CDC42BPB: variants seen among roughly 807,000 people sequenced by gnomAD.
The protein encoded by CDC42BPB is serine/threonine-protein kinase MRCK beta.
In CDC42BPB, 37 loss-of-function variants were observed where a neutral mutation model predicts 214.9. The observed-to-expected ratio is 0.17, with a 90% CI of 0.13 to 0.23. The LOEUF is 0.23. Ranked by LOEUF, CDC42BPB falls within the 10% of genes least tolerant of loss-of-function variation. The probability of loss-of-function intolerance (pLI) is 1.00; values close to 1 mark genes in which losing one functional copy is unlikely to be tolerated. For synonymous variants in CDC42BPB, 931 were observed against 884.0 expected, an observed-to-expected ratio of 1.05 and a Z score of -0.94; for missense variants, 1,694 against 2,227.0, an observed-to-expected ratio of 0.76 and a Z score of 4.82.
chr14:103,036,331 A>G (rs569349075), intron 1 of CDC42BPB, among the ~76,000 whole-genome samples: 15 of 151,272 alleles, frequency 9.9e-5, no homozygotes, highest in African/African-American at 3.4e-4. Flanking sequence ...TTTTTTTTGT[A>G]TTTTTAGTAG....
At chr14:103,027,754 G>A (rs1056036569) in intron 1 of CDC42BPB, among the ~76,000 whole-genome samples, 4 of 152,208 alleles carry the variant, frequency 2.6e-5, no homozygotes, top group Non-Finnish European at 5.9e-5. Context: ...CAAGGCTCAG[G>A]GGCAATGAAA....
chr14:103,009,760 C>T (rs1273127333), intron 2 of CDC42BPB, among the ~76,000 whole-genome samples: 2 of 152,246 alleles, frequency 1.3e-5, no homozygotes, highest in African/African-American at 4.8e-5. Context: ...GGGCCCTGCT[C>T]ACCTCCAAAG....
In CDC42BPB at chr14:102,988,239, A is replaced by ACT. The variant is rs1894337083; in HGVS notation, c.597-1660_597-1659insAG. Among the ~76,000 whole-genome samples the ACT allele has an allele frequency of 1.3e-5, 2 of 152,284 alleles. 1 individual carries two copies. The highest frequency in any genetic ancestry group is 3.9e-4 in the East Asian group (2 of 5,194). On this transcript the variant is annotated intron_variant, in intron 5 of 36. Transcript: ENST00000361246. The stretch of plus-strand genomic sequence containing the variant: ...GTCAGATAGGAAGCAGCCAGAGGCT[A>ACT]AAGTGGGAGACAGGCAAAGAAGGCC...
intron 34 of CDC42BPB, 34 bp from the exon 35 acceptor site, chr14:102,938,445 G>A: frequency 1.3e-6 from 2 of 1,510,242 alleles, no homozygotes; most frequent in Non-Finnish European, 1.8e-6. Context: ...AGCATGCTTG[G>A]TTGACACCCG....
At position 102,954,546 on chromosome 14, in the gene CDC42BPB, C is replaced by A; in HGVS notation, c.2988+56G>T. Reference sequence around the variant, plus strand: ...GGGCCAGGTGAGCAGCATCTGGTCACCTGGACACGAGGGCAGACCCCAGGT... The same window carrying A: ...GGGCCAGGTGAGCAGCATCTGGTCAACTGGACACGAGGGCAGACCCCAGGT... On this transcript the variant is annotated intron_variant, in intron 22 of 36. Transcript: ENST00000361246. The A allele has an allele frequency of 3.3e-6, 5 of 1,522,938 alleles. No homozygotes were observed. In the South Asian group the frequency reaches 4.6e-5, roughly 14 times the overall value. 94.3% of individuals were successfully genotyped at this position (1,522,938 alleles called of 1,614,324 possible).
intron 18 of CDC42BPB, among the ~76,000 whole-genome samples, chr14:102,965,478 A>T (rs2139447781): frequency 6.6e-6 from 1 of 152,124 alleles, no homozygotes; most frequent in African/African-American, 2.4e-5. Context: ...AAGCCAGTTC[A>T]CTAACATCAT....
intron 4 of CDC42BPB, 60 bp downstream of exon 4, chr14:103,003,868 A>G: frequency 4.5e-6 from 6 of 1,346,086 alleles, no homozygotes; most frequent in Non-Finnish European, 6.3e-6. Flanking sequence ...TTTTAGTGAC[A>G]GCATAAAGGA....
chr14:102,941,019 G>A (rs1891867011), intron 30 of CDC42BPB: 1 of 736,770 alleles, frequency 1.4e-6, no homozygotes, highest in Non-Finnish European at 1.7e-6. Flanking sequence ...ACCAAGGACT[G>A]CAAAGCCTTT....
intron 1 of CDC42BPB, among the ~76,000 whole-genome samples, chr14:103,036,309 C>T (rs1037563768): frequency 1.9e-4 from 29 of 151,978 alleles, no homozygotes; most frequent in South Asian, 4.2e-4. Context: ...CCCGCCACCA[C>T]GCCCGGCTAA....
Position 103,037,001 on chromosome 14 carries a change from T to A in CDC42BPB, c.175+19998A>T, listed in dbSNP as rs34067972. Among the ~76,000 whole-genome samples the A allele has an allele frequency of 7.6e-3, 1,156 of 152,060 alleles. 18 individuals carry two copies. Among genetic ancestry groups the A allele is most frequent in the African/African-American group, 0.027 (1,101 of 41,468 alleles). ...CAGCTAATTTTTGTGTTTTTTTTTG[T>A]AGAGACAGGGTTTCGCTATGCTGCC... On this transcript the variant is annotated intron_variant, in intron 1 of 36. Transcript: ENST00000361246.
intron 18 of CDC42BPB, among the ~76,000 whole-genome samples, chr14:102,965,932 G>A (rs34096162): frequency 0.024 from 3,656 of 152,250 alleles, 153 homozygotes; most frequent in African/African-American, 0.084. Context: ...ACTCTAGCCT[G>A]GGCAACAGAG....
At position 102,977,208 on chromosome 14, in the gene CDC42BPB, G is replaced by A. The variant is rs915448116; in HGVS notation, c.1220+918C>T. 9.2e-5 allele frequency among the ~76,000 whole-genome samples: 14 copies of A among 151,926 alleles called. 1 individual carries two copies. Among genetic ancestry groups the A allele is most frequent in the Admixed American group, 8.5e-4 (13 of 15,246 alleles). ...AAAAAAATTAGTCGGGCGTGGTGGC[G>A]GGCGCCTGTAGTCCCAGCTACTCAG... On this transcript the variant is annotated intron_variant, in intron 9 of 36. Transcript: ENST00000361246.
At chr14:102,940,535 C>T (rs1891845006) in intron 30 of CDC42BPB, 3 of 1,317,294 alleles carry the variant, frequency 2.3e-6, no homozygotes, top group East Asian at 5.1e-5. Context: ...TTAAATGCTC[C>T]ACAATCACTT....
chr14:103,053,628 G>T (rs1194444300), intron 1 of CDC42BPB, among the ~76,000 whole-genome samples: 1 of 151,250 alleles, frequency 6.6e-6, no homozygotes, highest in Admixed American at 6.6e-5. Context: ...CAGGCGTGAT[G>T]GCGGGCGCCT....
At chr14:103,011,626 C>T (rs1191216987) in intron 2 of CDC42BPB, among the ~76,000 whole-genome samples, 1 of 152,068 alleles carries the variant, frequency 6.6e-6, no homozygotes, top group Non-Finnish European at 1.5e-5. Context: ...CACCTGTAGT[C>T]CCAGCTACTC....
At chr14:102,986,684 C>A in intron 5 of CDC42BPB, 104 bp from the exon 6 acceptor site, 8 of 1,475,194 alleles carry the variant, frequency 5.4e-6, no homozygotes, top group Non-Finnish European at 6.3e-6. Flanking sequence ...CTAATATCCT[C>A]TTGTGAACAG....
chr14:102,986,497 T>C lies in CDC42BPB; in HGVS notation c.680A>G (p.Asp227Gly). 6.2e-7 allele frequency: 1 copy of C among 1,613,042 alleles called. No individual in the cohort carries two copies. Among genetic ancestry groups the C allele is most frequent in the Non-Finnish European group, 8.5e-7 (1 of 1,179,088 alleles). ...AACAAAAATACCTACAGTGCCATCA[T>C]CATTCATCTTCAAACATGATCCAAA... ...ADFGSCLKMNDDGTVQSSVAV... is the reference protein window; with the variant it reads ...ADFGSCLKMNGDGTVQSSVAV... Residue 227 changes from aspartate (D) to glycine (G), a missense_variant, in exon 6 of 37, where the codon GAT (aspartate) becomes GGT (glycine). By Grantham distance (94) the Asp-to-Gly change is moderately conservative. Coordinates refer to ENST00000361246, the MANE Select transcript of CDC42BPB (RefSeq NM_006035.4).
At chr14:103,035,523 C>G (rs1887615238) in intron 1 of CDC42BPB, among the ~76,000 whole-genome samples, 1 of 151,720 alleles carries the variant, frequency 6.6e-6, no homozygotes, top group Non-Finnish European at 1.5e-5. Context: ...CATAGTAAGA[C>G]TTCAACTCTA....
chr14:103,044,945 A>C lies in CDC42BPB; in HGVS notation c.175+12054T>G, dbSNP rs75314313. On this transcript the variant is annotated intron_variant, in intron 1 of 36. Transcript: ENST00000361246. Reference sequence around the variant, plus strand: ...TCAGGTGTGGTGGCTCACACCTGTAATCCCAGCACTTTGGGAGGCCGAGGC... The same window carrying C: ...TCAGGTGTGGTGGCTCACACCTGTACTCCCAGCACTTTGGGAGGCCGAGGC... 6.2e-3 allele frequency among the ~76,000 whole-genome samples: 939 copies of C among 150,410 alleles called. 24 individuals are homozygous for C. The East Asian group carries it at 0.068, about 11-fold the overall frequency.
Sources: allele counts gnomAD v4.1 joint callset (sites outside exome capture counted in the v4.1 genomes callset), GRCh38; gene constraint gnomAD v4.1.1; transcripts MANE v1.5; gene names NCBI Gene and HGNC (gene_info 2026-07-23, HGNC 2026-07-21).